The following TSPAN8 variants were observed in gnomAD, a reference collection of about 807,000 sequenced individuals.
The protein encoded by TSPAN8 is tetraspanin-8.
Under a neutral mutation model 32.8 loss-of-function variants are expected in TSPAN8, and 21 were observed. The ratio of observed to expected loss-of-function variants is 0.64; its 90% confidence interval spans 0.45 to 0.92. TSPAN8 has a LOEUF of 0.92. Among genes scored for constraint, TSPAN8 ranks in the 40% least tolerant of loss-of-function variants. The probability of loss-of-function intolerance (pLI) is 0.00; values close to 1 mark genes in which losing one functional copy is unlikely to be tolerated. For synonymous variants in TSPAN8, 95 were observed against 94.6 expected, an observed-to-expected ratio of 1.00 and a Z score of -0.03; for missense variants, 269 against 281.9, an observed-to-expected ratio of 0.95 and a Z score of 0.33.
chr12:71,139,546 T>TAAGCCAAATC (rs1871830129), intron 4 of TSPAN8, among the ~76,000 whole-genome samples, 165 bp downstream of exon 4: 1 of 90,110 alleles, frequency 1.1e-5, no homozygotes, highest in East Asian at 2.5e-4. Flanking sequence ...TAAGCCAAAC[T>TAAGCCAAATC]AAGCCAAATC....
intron 6 of TSPAN8, among the ~76,000 whole-genome samples, chr12:71,133,190 T>G (rs1376991336): frequency 6.6e-6 from 1 of 152,096 alleles, no homozygotes. Context: ...TTCAAGGGAT[T>G]CTCCTACCTC....
chr12:71,155,992 A>G (rs1422071803), intron 2 of TSPAN8, among the ~76,000 whole-genome samples: 1 of 152,002 alleles, frequency 6.6e-6, no homozygotes, highest in Non-Finnish European at 1.5e-5. Flanking sequence ...CGGTCTCCCA[A>G]AGTGCTGGGA....
At chr12:71,151,981 T>C (rs1228373693) in intron 2 of TSPAN8, among the ~76,000 whole-genome samples, 1 of 152,236 alleles carries the variant, frequency 6.6e-6, no homozygotes, top group Non-Finnish European at 1.5e-5. Flanking sequence ...GCCCATTATG[T>C]ATAAAATACT....
chr12:71,139,103 T>G (rs750908060), intron 4 of TSPAN8: 1 of 456,076 alleles, frequency 2.2e-6, no homozygotes, highest in Admixed American at 2.3e-5. Flanking sequence ...ATTTAAACTT[T>G]TTTTTTAGCA....
intron 2 of TSPAN8, among the ~76,000 whole-genome samples, chr12:71,151,493 A>C (rs1705235): frequency 0.075 from 11,457 of 152,338 alleles, 661 homozygotes; most frequent in African/African-American, 0.15. Context: ...TAACCACTAA[A>C]AGCCTACATT....
At position 71,139,659 on chromosome 12, in the gene TSPAN8, G is replaced by A. The variant is rs1301630137; in HGVS notation, c.261+52C>T. ...TTTAACAGACAATAGGGATGGGAGAGAATCCTCTGGAGTCTGAAGGTTGGA... is the reference window on the plus strand; with the variant it reads ...TTTAACAGACAATAGGGATGGGAGAAAATCCTCTGGAGTCTGAAGGTTGGA... On this transcript the variant is annotated intron_variant, in intron 4 of 8. Coordinates refer to ENST00000247829, the MANE Select transcript of TSPAN8 (RefSeq NM_004616.3). 9.4e-6 allele frequency: 15 copies of A among 1,592,252 alleles called. No homozygotes were observed. The South Asian group carries it at 1.4e-4, about 14-fold the overall frequency.
rs953509525 is a variant in TSPAN8, at chr12:71,156,256, AAAAAAAAAAAAACAAAC to A, written c.60+1346_60+1362del. On this transcript the variant is annotated intron_variant, in intron 2 of 8. Transcript: ENST00000247829. The stretch of plus-strand genomic sequence containing the variant: ...GTGAATATTCAAAGTTCTCCAAAAA[AAAAAAAAAAAAACAAAC>A]AAAAAAAAAACTAGAAACAAAACAA... Among the ~76,000 whole-genome samples, 11 of 104,864 alleles carry A rather than the reference AAAAAAAAAAAAACAAAC, an allele frequency of 1.0e-4. 1 individual carries two copies. Among genetic ancestry groups the A allele is most frequent in the African/African-American group, 4.3e-4 (11 of 25,296 alleles). The allele number at this position is 104,864 out of a possible 152,430, so 68.8% of individuals were successfully genotyped here. A position where few individuals can be genotyped will look rare whatever the true frequency, so the allele number is the denominator to read the frequency against.
chr12:71,126,096 T>G (rs1480929836), intron 8 of TSPAN8, among the ~76,000 whole-genome samples: 5 of 152,104 alleles, frequency 3.3e-5, no homozygotes. Flanking sequence ...ACAGGACCTG[T>G]GTGCATTACC....
intron 6 of TSPAN8, 139 bp from the exon 7 acceptor site, chr12:71,132,963 CTG>C: frequency 1.9e-6 from 2 of 1,043,348 alleles, no homozygotes; most frequent in Non-Finnish European, 2.7e-6. Flanking sequence ...TCACCTTTCT[CTG>C]TGTAGAAGTA....
intron 7 of TSPAN8, among the ~76,000 whole-genome samples, chr12:71,132,011 G>C (rs1871532953): frequency 6.6e-6 from 1 of 152,048 alleles, no homozygotes; most frequent in Admixed American, 6.6e-5. Flanking sequence ...CATAGGAGGT[G>C]GTCAGTAAGT....
Position 71,129,429 on chromosome 12 carries a change from A to C in TSPAN8, c.577-15T>G, listed in dbSNP as rs113558371. 6,958 of 1,556,032 alleles carry C rather than the reference A, an allele frequency of 4.5e-3. 161 individuals carry two copies. The East Asian group carries it at 0.049, about 11-fold the overall frequency. On this transcript the variant is annotated splice_polypyrimidine_tract_variant and intron_variant, in intron 7 of 8. Transcript: ENST00000247829. The stretch of plus-strand genomic sequence containing the variant: ...GAAATACAGGTCTGTTAAAAAAAAA[A>C]AACATTAAAAGTTACCTCTCAGAAA...
intron 7 of TSPAN8, among the ~76,000 whole-genome samples, chr12:71,131,966 G>C (rs1261580890): frequency 6.6e-6 from 1 of 152,120 alleles, no homozygotes; most frequent in Non-Finnish European, 1.5e-5. Context: ...CTCTGTTCAG[G>C]AATGAATTCC....
intron 8 of TSPAN8, among the ~76,000 whole-genome samples, chr12:71,128,617 G>T (rs10506625): frequency 1.3e-5 from 2 of 150,684 alleles, no homozygotes; most frequent in Non-Finnish European, 2.9e-5. Context: ...AAGATTTTTA[G>T]GCCATGTGAA....
chr12:71,135,005 A>C (rs1357478612), intron 6 of TSPAN8, among the ~76,000 whole-genome samples: 3 of 152,182 alleles, frequency 2.0e-5, no homozygotes, highest in Non-Finnish European at 4.4e-5. Flanking sequence ...AAAGGGGTGC[A>C]TTCCATCAGT....
rs1871767913 is a variant in TSPAN8 at position 71,138,035 on chromosome 12, A to G, written c.362T>C (p.Leu121Pro). 1 of 1,614,016 alleles carries G rather than the reference A, an allele frequency of 6.2e-7. No individual in the cohort carries two copies. Among genetic ancestry groups the G allele is most frequent in the East Asian group, 2.2e-5 (1 of 44,862 alleles). ...SKSDRIVNET[L>P]YENTKLLSAT... The stretch of plus-strand genomic sequence containing the variant: ...GCTCAAAAGCTTTGTGTTTTCATAG[A>G]GAGTTTCATTCACAATGCGATCAGA... Residue 121 changes from leucine to proline, a missense_variant, in exon 6 of 9, where the codon CTC (leucine) becomes CCC (proline). Physicochemically the swap from Leu to Pro is moderately conservative, Grantham distance 98. Transcript: ENST00000247829.
In TSPAN8 at chr12:71,139,807, AGCAAC is replaced by A; in HGVS notation, c.160_164del (p.Val54CysfsTer57). 1 of 1,613,982 alleles carries A rather than the reference AGCAAC, an allele frequency of 6.2e-7. No individual in the cohort carries two copies. The highest frequency in any genetic ancestry group is 2.2e-5 in the East Asian group (1 of 44,884). On this transcript the variant is annotated frameshift_variant, in exon 4 of 9. Transcript: ENST00000247829. LOFTEE classifies it high-confidence loss of function. The stretch of plus-strand genomic sequence containing the variant: ...CACCTACAGCAATCAATATGTCCAC[AGCAAC>A]GTAGGAGCTAGAGCCTACATCTTCA...
chr12:71,153,392 G>T (rs1872319291), intron 2 of TSPAN8, among the ~76,000 whole-genome samples: 1 of 152,160 alleles, frequency 6.6e-6, no homozygotes, highest in South Asian at 2.1e-4. Context: ...TTCAATTAGT[G>T]ATTCTAACAA....
intron 6 of TSPAN8, among the ~76,000 whole-genome samples, chr12:71,134,670 G>T (rs1347875160): frequency 6.6e-6 from 1 of 152,134 alleles, no homozygotes; most frequent in Non-Finnish European, 1.5e-5. Context: ...ATCTTGAGTA[G>T]TATTCACTGA....
chr12:71,139,248 C>T (rs1228237515), intron 4 of TSPAN8: 3 of 457,464 alleles, frequency 6.6e-6, no homozygotes, highest in African/African-American at 2.0e-5. Context: ...CACTGTACTG[C>T]CACGTTGTCT....
Sources: gnomAD v4.1 joint callset for allele counts (sites outside exome capture counted in the v4.1 genomes callset) on GRCh38, gnomAD v4.1.1 for gene constraint, MANE v1.5 for transcripts, NCBI Gene and HGNC (gene_info 2026-07-23, HGNC 2026-07-21) for gene names.